EIF4G3: variants seen among roughly 807,000 people sequenced by gnomAD.
EIF4G3 encodes eIF-4-gamma 3.
A neutral mutation model predicts 186.4 loss-of-function variants in EIF4G3; 34 were observed. The ratio of observed to expected loss-of-function variants is 0.18; its 90% CI spans 0.14 to 0.24. The LOEUF is 0.24. Among genes scored for constraint, EIF4G3 ranks in the 10% least tolerant of loss-of-function variants. The probability of loss-of-function intolerance (pLI) is 1.00; values close to 1 mark genes in which losing one functional copy is unlikely to be tolerated. For missense variants in EIF4G3, 1,536 were observed against 1,948.5 expected, an observed-to-expected ratio of 0.79 and a Z score of 3.99; for synonymous variants, 673 against 679.5, an observed-to-expected ratio of 0.99 and a Z score of 0.15.
intron 19 of EIF4G3, among the ~76,000 whole-genome samples, chr1:20,880,380 A>G (rs2081989809): frequency 6.6e-6 from 1 of 152,224 alleles, no homozygotes. Flanking sequence ...TTTTCTATGT[A>G]TTAGCAATAA....
chr1:21,066,171 T>G (rs2095230877), intron 3 of EIF4G3, among the ~76,000 whole-genome samples: 1 of 151,050 alleles, frequency 6.6e-6, no homozygotes, highest in Admixed American at 6.6e-5. Context: ...TAATAACAAA[T>G]AACTAAATAC....
intron 6 of EIF4G3, among the ~76,000 whole-genome samples, 161 bp from the exon 7 acceptor site, chr1:20,997,794 G>C (rs1309293249): frequency 1.3e-5 from 2 of 152,088 alleles, no homozygotes; most frequent in African/African-American, 2.4e-5. Flanking sequence ...CTGCAGGACA[G>C]TGACAGACAG....
Position 20,860,379 on chromosome 1 carries a change from C to T in EIF4G3, c.3244+6G>A, listed in dbSNP as rs1450240458. The T allele has an allele frequency of 5.0e-6, 8 of 1,613,838 alleles. No individual in the cohort carries two copies. The highest frequency in any genetic ancestry group is 6.8e-6 in the Non-Finnish European group (8 of 1,179,968). On this transcript the variant is annotated splice_donor_region_variant and intron_variant, in intron 24 of 36. Coordinates refer to ENST00000602326, the MANE Select transcript of EIF4G3 (RefSeq NM_001391906.1). ...TTCTCTAAACCCTGGTGGATTCCGG[C>T]CTCACCTGGTCTTCTCTTCTCTTTG...
chr1:20,857,588 A>G (rs2075330280), intron 24 of EIF4G3, 91 bp from the exon 25 acceptor site: 1 of 1,055,496 alleles, frequency 9.5e-7, no homozygotes, highest in Admixed American at 1.8e-5. Flanking sequence ...AACCAAGGAG[A>G]AAGACAACAG....
At chr1:20,822,270 T>C (rs2062578049) in intron 33 of EIF4G3, among the ~76,000 whole-genome samples, 1 of 152,066 alleles carries the variant, frequency 6.6e-6, no homozygotes, top group South Asian at 2.1e-4. Flanking sequence ...ATTCCAGATA[T>C]TAGTAATATG....
chr1:20,905,167 C>T (rs183721805), intron 14 of EIF4G3, among the ~76,000 whole-genome samples, 196 bp from the exon 15 acceptor site: 2 of 152,302 alleles, frequency 1.3e-5, no homozygotes, highest in South Asian at 2.1e-4. Flanking sequence ...GGTACAAACT[C>T]GTAGCTTTCT....
At chr1:21,124,159 T>C (rs1185686995) in intron 2 of EIF4G3, among the ~76,000 whole-genome samples, 1 of 151,838 alleles carries the variant, frequency 6.6e-6, no homozygotes, top group Non-Finnish European at 1.5e-5. Context: ...GCTGTGGTCG[T>C]GGGCGCCTGT....
intron 16 of EIF4G3, among the ~76,000 whole-genome samples, chr1:20,896,447 A>AAAAAAAAAAAG (rs1553264504): frequency 6.6e-6 from 1 of 151,030 alleles, no homozygotes; most frequent in East Asian, 2.0e-4. Context: ...AAAAAAAAAA[A>AAAAAAAAAAAG]AAAAAGAAAA....
At chr1:20,831,739 C>T (rs2065281009) in intron 30 of EIF4G3, among the ~76,000 whole-genome samples, 1 of 148,278 alleles carries the variant, frequency 6.7e-6, no homozygotes, top group Non-Finnish European at 1.5e-5. Flanking sequence ...GGTATATCTC[C>T]CGATGCTATC....
At position 20,862,274 on chromosome 1, in the gene EIF4G3, G is replaced by A. The variant is rs779458459; in HGVS notation, c.3065C>T (p.Ser1022Leu). 1 of 1,612,862 alleles carries A rather than the reference G, an allele frequency of 6.2e-7. No individual in the cohort carries two copies. The highest frequency in any genetic ancestry group is 8.5e-7 in the Non-Finnish European group (1 of 1,179,400). ...MEKIVKERKT[S>L]SRIRFMLQDV... The stretch of plus-strand genomic sequence containing the variant: ...TTGAAGCATGAACCGAATCCTAGAT[G>A]AGGTTTTTCTTTCTTTCACAATTTT... Residue 1022 changes from serine (S) to leucine (L), a missense_variant, in exon 23 of 37, where the codon TCA (serine) becomes TTA (leucine). Transcript: ENST00000602326.
intron 7 of EIF4G3, among the ~76,000 whole-genome samples, chr1:20,983,642 T>C (rs1244606051): frequency 6.6e-6 from 1 of 152,188 alleles, no homozygotes; most frequent in African/African-American, 2.4e-5. Flanking sequence ...TTCAACTTAC[T>C]GGGCATTGCT....
Position 21,056,315 on chromosome 1 carries a change from C to T in EIF4G3, c.-195-5321G>A, listed in dbSNP as rs544013503. Among the ~76,000 whole-genome samples the T allele has an allele frequency of 8.5e-5, 13 of 152,246 alleles. No individual in the cohort carries two copies. The East Asian group carries it at 2.5e-3, about 29-fold the overall frequency. On this transcript the variant is annotated intron_variant, in intron 3 of 36. Coordinates refer to ENST00000602326, the MANE Select transcript of EIF4G3 (RefSeq NM_001391906.1). ...ATTTCTAAGAAATTCTTCCTAGAAA[C>T]AGGCTGTTACATATAATAAAAATCT...
chr1:21,152,337 T>TAAAAAA (rs1333759552), intron 2 of EIF4G3, among the ~76,000 whole-genome samples: 1 of 2,996 alleles, frequency 3.3e-4, no homozygotes, highest in African/African-American at 8.1e-4. Context: ...ACCCTGTCTC[T>TAAAAAA]ACAAAAAAAA....
At position 20,879,354 on chromosome 1, in the gene EIF4G3, G is replaced by A; in HGVS notation, c.2591C>T (p.Ala864Val). The A allele has an allele frequency of 6.2e-7, 1 of 1,603,560 alleles. No individual in the cohort carries two copies. Among genetic ancestry groups the A allele is most frequent in the Non-Finnish European group, 8.5e-7 (1 of 1,175,074 alleles). ...TAGACATCGACACATGTTTGCGTAA[G>A]CCACAGAGAAACTGGGTTCATCAAT... ...KAIDEPSFSV[A>V]YANMCRCLVT... is the part of the protein sequence containing the mutation. Residue 864 changes from alanine (A) to valine (V), a missense_variant, in exon 20 of 37, where the codon GCT becomes GTT. Coordinates refer to ENST00000602326, the MANE Select transcript of EIF4G3 (RefSeq NM_001391906.1).
chr1:21,013,344 A>T (rs867650788), intron 4 of EIF4G3, among the ~76,000 whole-genome samples: 15 of 152,172 alleles, frequency 9.9e-5, no homozygotes, highest in South Asian at 4.1e-4. Context: ...CACAGAAAAA[A>T]TTTTTTTAAT....
intron 2 of EIF4G3, among the ~76,000 whole-genome samples, chr1:21,151,203 G>A (rs1233124848): frequency 5.8e-5 from 8 of 136,850 alleles, no homozygotes; most frequent in Admixed American, 1.5e-4. Context: ...AAATGTTTCC[G>A]CAACATTTTT....
At chr1:20,931,904 A>G (rs1282751453) in intron 14 of EIF4G3, among the ~76,000 whole-genome samples, 1 of 140,926 alleles carries the variant, frequency 7.1e-6, no homozygotes, top group Admixed American at 7.4e-5. Context: ...CAGGCTGGAG[A>G]CAGAGCAAGA....
intron 13 of EIF4G3, among the ~76,000 whole-genome samples, chr1:20,949,238 A>G (rs1429664378): frequency 6.6e-6 from 1 of 152,192 alleles, no homozygotes; most frequent in Non-Finnish European, 1.5e-5. Flanking sequence ...AAAGACTATG[A>G]TATCCCACTT....
chr1:20,860,429 T>G lies in EIF4G3; in HGVS notation c.3200A>C (p.Gln1067Pro). Reference sequence around the variant, plus strand: ...GGTCATGAGTTGCTGGACCTTCCTTTGCTCTTCTTGTTCTTCTATTTTAGC... The same window carrying G: ...GGTCATGAGTTGCTGGACCTTCCTTGGCTCTTCTTGTTCTTCTATTTTAGC... ...KEAKIEEQEEQRKVQQLMTKE... is the reference protein window; with the variant it reads ...KEAKIEEQEEPRKVQQLMTKE... The change falls in exon 24 of 37, where the codon CAA becomes CCA. Residue 1067 changes from glutamine to proline, a missense_variant. Coordinates refer to ENST00000602326, the MANE Select transcript of EIF4G3 (RefSeq NM_001391906.1). The G allele has an allele frequency of 1.2e-6, 2 of 1,614,162 alleles. No homozygotes were observed. The highest frequency in any genetic ancestry group is 1.7e-6 in the Non-Finnish European group (2 of 1,180,010).
Sources: gnomAD v4.1 joint callset for allele counts (sites outside exome capture counted in the v4.1 genomes callset) on GRCh38, gnomAD v4.1.1 for gene constraint, MANE v1.5 for transcripts, NCBI Gene and HGNC (gene_info 2026-07-23, HGNC 2026-07-21) for gene names.